Variants in TRIM2 observed in about 807,000 individuals in gnomAD.
TRIM2 encodes tripartite motif-containing protein 2.
TRIM2 carries 20 observed loss-of-function variants against 75.2 expected under a neutral mutation model. The ratio of observed to expected loss-of-function variants is 0.27; its 90% CI spans 0.19 to 0.39. The LOEUF is 0.39. TRIM2 is among the 10% of genes least tolerant of loss of function. The pLI is 1.00. For synonymous variants in TRIM2, 373 were observed against 388.3 expected, an observed-to-expected ratio of 0.96 and a Z score of 0.46; for missense variants, 660 against 990.8, an observed-to-expected ratio of 0.67 and a Z score of 4.48.
intron 8 of TRIM2, among the ~76,000 whole-genome samples, chr4:153,320,877 C>A (rs1232501144): frequency 6.6e-6 from 1 of 152,186 alleles, no homozygotes; most frequent in African/African-American, 2.4e-5. Flanking sequence ...AGTTATCCAC[C>A]CACCTCGGCC....
Position 153,336,139 on chromosome 4 carries a change from C to T in TRIM2, c.*1173C>T, listed in dbSNP as rs1370655549. On this transcript the variant is annotated 3_prime_UTR_variant, in exon 12 of 12. Coordinates refer to ENST00000338700, the MANE Select transcript of TRIM2 (RefSeq NM_015271.5). ...TATTATATATATATATATATACACA[C>T]ACACATATATATAGCTGAATCTTTG... 3.1e-6 allele frequency: 3 copies of T among 979,206 alleles called. No individual in the cohort carries two copies. The African/African-American group carries it at 5.4e-5, about 18-fold the overall frequency. The allele number at this position is 979,206 out of a possible 1,614,324, so 60.7% of individuals were successfully genotyped here. A position where few individuals can be genotyped will look rare whatever the true frequency, so the allele number is the denominator to read the frequency against.
chr4:153,234,056 C>A (rs1363632190), intron 1 of TRIM2, among the ~76,000 whole-genome samples: 2 of 152,178 alleles, frequency 1.3e-5, no homozygotes, highest in Non-Finnish European at 2.9e-5. Context: ...TCTTTTCCTG[C>A]ACCATACAGT....
intron 1 of TRIM2, among the ~76,000 whole-genome samples, chr4:153,174,400 GAGA>G (rs1409271058): frequency 2.6e-5 from 4 of 152,046 alleles, no homozygotes; most frequent in Non-Finnish European, 4.4e-5. Flanking sequence ...TGAACAGAGA[GAGA>G]AGGACATAAG....
intron 8 of TRIM2, among the ~76,000 whole-genome samples, chr4:153,319,448 G>A (rs1365816668): frequency 6.6e-6 from 1 of 152,116 alleles, no homozygotes; most frequent in Non-Finnish European, 1.5e-5. Context: ...TTTTTGCTGG[G>A]CCGGGCACAG....
chr4:153,204,569 G>A lies in TRIM2; in HGVS notation c.30+9G>A, dbSNP rs1734860188. The A allele has an allele frequency of 6.4e-7, 1 of 1,551,596 alleles. No homozygotes were observed. The highest frequency in any genetic ancestry group is 1.4e-5 in the African/African-American group (1 of 73,032). On this transcript the variant is annotated intron_variant, in intron 1 of 11. Coordinates refer to ENST00000338700, the MANE Select transcript of TRIM2 (RefSeq NM_015271.5). ...GCCGTTATGGAACGCAGGTAAGGAC[G>A]CTTCTCAATGTGGGATAATTCTTTT...
At chr4:153,211,415 A>G (rs1736953761) in intron 1 of TRIM2, among the ~76,000 whole-genome samples, 1 of 152,136 alleles carries the variant, frequency 6.6e-6, no homozygotes, top group South Asian at 2.1e-4. Flanking sequence ...AGGTGGGGTA[A>G]CATGGGAGCA....
In TRIM2 at chr4:153,240,334, C is replaced by T. The variant is rs57064610; in HGVS notation, c.31-30001C>T. Among the ~76,000 whole-genome samples the T allele has an allele frequency of 6.1e-3, 932 of 152,256 alleles. 7 individuals carry two copies. The highest frequency in any genetic ancestry group is 0.021 in the African/African-American group (880 of 41,550). ...GAAGCCAGGCAATAAAAGTAAGACA[C>T]AATATCTTATTTGGTAGTGTTTTCT... On this transcript the variant is annotated intron_variant, in intron 1 of 11. Coordinates refer to ENST00000338700, the MANE Select transcript of TRIM2 (RefSeq NM_015271.5).
At position 153,336,776 on chromosome 4, in the gene TRIM2, C is replaced by A; in HGVS notation, c.*1810C>A. ...CAAATTGTCTGTTAAATTTATTATG[C>A]CCAAATCAACCTCTGAAAAAAGGTT... On this transcript the variant is annotated 3_prime_UTR_variant, in exon 12 of 12. Coordinates refer to ENST00000338700, the MANE Select transcript of TRIM2 (RefSeq NM_015271.5). 1.0e-6 allele frequency: 1 copy of A among 985,474 alleles called. No homozygotes were observed. The highest frequency in any genetic ancestry group is 1.2e-6 in the Non-Finnish European group (1 of 829,698). 61.0% of individuals were successfully genotyped at this position (985,474 alleles called of 1,614,324 possible). A position where few individuals can be genotyped will look rare whatever the true frequency, so the allele number is the denominator to read the frequency against.
intron 11 of TRIM2, among the ~76,000 whole-genome samples, chr4:153,332,963 C>T (rs1282391236): frequency 6.6e-6 from 1 of 152,170 alleles, no homozygotes; most frequent in Non-Finnish European, 1.5e-5. Context: ...AAATTATACT[C>T]CTGGCTGTCT....
At chr4:153,155,008 T>G (rs1729099200) in intron 1 of TRIM2, among the ~76,000 whole-genome samples, 1 of 151,952 alleles carries the variant, frequency 6.6e-6, no homozygotes, top group South Asian at 2.1e-4. Context: ...GGCGTAATGG[T>G]GGGCACCTGT....
Position 153,335,044 on chromosome 4 carries a change from T to A in TRIM2, c.*78T>A, listed in dbSNP as rs535182375. The A allele has an allele frequency of 7.3e-7, 1 of 1,370,190 alleles. No individual in the cohort carries two copies. The highest frequency in any genetic ancestry group is 1.4e-5 in the African/African-American group (1 of 69,154). The allele number at this position is 1,370,190 out of a possible 1,614,324, so 84.9% of individuals were successfully genotyped here. On this transcript the variant is annotated 3_prime_UTR_variant, in exon 12 of 12. Transcript: ENST00000338700. ...GATTTCTCAATGCGGGACCAGATTA[T>A]GACTAGAGTTTTTATGCCAGAAGGA...
At chr4:153,311,894 T>TTTA (rs1766409791) in intron 6 of TRIM2, among the ~76,000 whole-genome samples, 1 of 144,298 alleles carries the variant, frequency 6.9e-6, no homozygotes, top group Non-Finnish European at 1.5e-5. Context: ...GTTTTTATTC[T>TTTA]TTTATTTATT....
intron 8 of TRIM2, among the ~76,000 whole-genome samples, chr4:153,320,832 C>T (rs1768788847): frequency 8.2e-6 from 1 of 121,400 alleles, no homozygotes. Context: ...GGGGTTTCAC[C>T]ACCTTGGCCA....
intron 6 of TRIM2, among the ~76,000 whole-genome samples, chr4:153,301,502 C>T (rs1222584558): frequency 6.6e-6 from 1 of 152,146 alleles, no homozygotes. Flanking sequence ...GATGTAATTC[C>T]ATGTATCCAT....
chr4:153,296,992 A>C (rs1762899477), intron 6 of TRIM2, among the ~76,000 whole-genome samples: 1 of 152,196 alleles, frequency 6.6e-6, no homozygotes, highest in African/African-American at 2.4e-5. Flanking sequence ...GACTTTTTTA[A>C]ATTGCAGAAC....
At chr4:153,291,005 A>T (rs1233323788) in intron 3 of TRIM2, among the ~76,000 whole-genome samples, 1 of 152,166 alleles carries the variant, frequency 6.6e-6, no homozygotes, top group Non-Finnish European at 1.5e-5. Flanking sequence ...AAAGGCCTGC[A>T]GAGGAGCAAA....
intron 1 of TRIM2, among the ~76,000 whole-genome samples, chr4:153,251,033 G>C (rs1708103426): frequency 6.6e-6 from 1 of 152,152 alleles, no homozygotes; most frequent in South Asian, 2.1e-4. Context: ...GTTGGAACTG[G>C]GTCAGCTGGT....
chr4:153,251,864 C>T (rs753211096), intron 1 of TRIM2, among the ~76,000 whole-genome samples: 1 of 151,982 alleles, frequency 6.6e-6, no homozygotes, highest in Non-Finnish European at 1.5e-5. Context: ...GCCTGTAGTC[C>T]CAGCTACTGG....
At chr4:153,223,031 C>T (rs969822659) in intron 1 of TRIM2, 1 of 152,280 alleles carries the variant, frequency 6.6e-6, no homozygotes, top group African/African-American at 2.4e-5. Context: ...AGCGAGTCGC[C>T]GTCTCGTAGT....
Sources: gnomAD v4.1 joint callset for allele counts (sites outside exome capture counted in the v4.1 genomes callset) on GRCh38, gnomAD v4.1.1 for gene constraint, MANE v1.5 for transcripts, NCBI Gene and HGNC (gene_info 2026-07-23, HGNC 2026-07-21) for gene names.